The following SMUG1 variants were observed in gnomAD, a reference collection of about 807,000 sequenced individuals.
The protein encoded by SMUG1 is single-strand selective monofunctional uracil DNA glycosylase.
Under a neutral mutation model 23.9 loss-of-function variants are expected in SMUG1, and 13 were observed. That is an observed-to-expected ratio of 0.54 (90% confidence interval 0.35 to 0.86). The LOEUF (loss-of-function observed/expected upper bound fraction) is 0.86. Among genes scored for constraint, SMUG1 ranks in the 40% least tolerant of loss-of-function variants. The pLI is 0.01. For missense variants in SMUG1, 313 were observed against 339.5 expected, an observed-to-expected ratio of 0.92 and a Z score of 0.61; for synonymous variants, 133 against 139.8, an observed-to-expected ratio of 0.95 and a Z score of 0.34.
chr12:54,182,676 G>A (rs1369688960), intron 3 of SMUG1, 53 bp from the exon 4 acceptor site: 21 of 1,554,928 alleles, frequency 1.4e-5, no homozygotes, highest in Middle Eastern at 1.8e-4. Context: ...CCTGAGGCCC[G>A]GGCTCTGGAC....
Position 54,181,940 on chromosome 12 carries a change from G to A in SMUG1, c.*156C>T, listed in dbSNP as rs573765844. The A allele has an allele frequency of 7.5e-6, 11 of 1,476,166 alleles. No homozygotes were observed. The African/African-American group carries it at 1.5e-4, about 21-fold the overall frequency. 91.4% of individuals were successfully genotyped at this position (1,476,166 alleles called of 1,614,324 possible). On this transcript the variant is annotated 3_prime_UTR_variant, in exon 4 of 4. Coordinates refer to ENST00000682136, the MANE Select transcript of SMUG1 (RefSeq NM_001243787.2). ...AGTAGTGTCAAAACTGCCATGGCAG[G>A]TTGGAAGACAGTTCAACAGATCAAA...
In SMUG1 at chr12:54,182,561, G is replaced by C; in HGVS notation, c.348C>G (p.Thr116=). The C allele has an allele frequency of 1.9e-6, 3 of 1,614,050 alleles. No individual in the cohort carries two copies. The highest frequency in any genetic ancestry group is 2.5e-6 in the Non-Finnish European group (3 of 1,180,002). ...GTCGTTTAGGATGCTCTTGGGGAGGGGTCAGCACAGGCCCCACAATGCCCA... is the reference window on the plus strand; with the variant it reads ...GTCGTTTAGGATGCTCTTGGGGAGGCGTCAGCACAGGCCCCACAATGCCCA... ...DWLGIVGPVL[T]PPQEHPKRPV... Residue 116 remains threonine (T), a synonymous_variant, in exon 4 of 4, where the codon ACC becomes ACG. Coordinates refer to ENST00000682136, the MANE Select transcript of SMUG1 (RefSeq NM_001243787.2).
chr12:54,163,574 G>A (rs568479939), downstream of SMUG1, among the ~76,000 whole-genome samples: 2 of 152,260 alleles, frequency 1.3e-5, no homozygotes, highest in African/African-American at 4.8e-5. Context: ...GAGGAAGCTG[G>A]GGGCGCCAAG....
chr12:54,182,545 G>T lies in SMUG1; in HGVS notation c.364C>A (p.Pro122Thr), dbSNP rs1941347420. 1.9e-6 allele frequency: 3 copies of T among 1,614,034 alleles called. No individual in the cohort carries two copies. In the Admixed American group the frequency reaches 5.0e-5, roughly 27 times the overall value. ...GPVLTPPQEH[P>T]KRPVLGLECP... Reference sequence around the variant, plus strand: ...TCCAGTCCCAGCACTGGTCGTTTAGGATGCTCTTGGGGAGGGGTCAGCACA... The same window carrying T: ...TCCAGTCCCAGCACTGGTCGTTTAGTATGCTCTTGGGGAGGGGTCAGCACA... Residue 122 changes from proline to threonine, a missense_variant, in exon 4 of 4, where the codon CCT becomes ACT. Coordinates refer to ENST00000682136, the MANE Select transcript of SMUG1 (RefSeq NM_001243787.2).
downstream of SMUG1, among the ~76,000 whole-genome samples, chr12:54,180,108 A>G (rs548112495): frequency 6.6e-6 from 1 of 152,182 alleles, no homozygotes; most frequent in African/African-American, 2.4e-5. Context: ...CTGGGGATCA[A>G]GCTGGTATCA....
chr12:54,164,049 C>T (rs557927746), downstream of SMUG1, among the ~76,000 whole-genome samples: 11 of 151,820 alleles, frequency 7.2e-5, no homozygotes, highest in South Asian at 4.2e-4. Context: ...AAGCCTGACC[C>T]GGGAGGCAGA....
chr12:54,184,757 C>T (rs867715414), intron 2 of SMUG1, among the ~76,000 whole-genome samples: 2 of 152,178 alleles, frequency 1.3e-5, no homozygotes, highest in South Asian at 2.1e-4. Flanking sequence ...TCAGGAATAC[C>T]GAGTAGGATG....
chr12:54,179,562 C>A (rs1940838263), downstream of SMUG1, among the ~76,000 whole-genome samples: 1 of 152,100 alleles, frequency 6.6e-6, no homozygotes, highest in Non-Finnish European at 1.5e-5. Context: ...GAGTCTATGG[C>A]ATGTGGAAGT....
At chr12:54,171,467 A>G (rs1005410216) in intron 3 of SMUG1, among the ~76,000 whole-genome samples, 12 of 151,500 alleles carry the variant, frequency 7.9e-5, no homozygotes, top group Middle Eastern at 6.8e-3. Context: ...CAAGGTGGGC[A>G]GATCACGAGG....
intron 3 of SMUG1, 58 bp from the exon 4 acceptor site, chr12:54,182,681 C>G (rs1023356208): frequency 6.5e-6 from 10 of 1,544,322 alleles, no homozygotes; most frequent in Non-Finnish European, 7.8e-6. Context: ...GGCCCGGGCT[C>G]TGGACCAACT....
chr12:54,183,518 A>AT lies in SMUG1; in HGVS notation c.285+137dup, dbSNP rs760663153. The AT allele has an allele frequency of 9.8e-6, 8 of 818,452 alleles. No homozygotes were observed. The Admixed American group carries it at 1.0e-4, about 11-fold the overall frequency. 50.7% of individuals were successfully genotyped at this position (818,452 alleles called of 1,614,324 possible). On this transcript the variant is annotated intron_variant, in intron 3 of 3. Transcript: ENST00000682136. ...AGGGCCTCGGACCACAGGAGCCAGTATATGTGTTGAGACAGAATGGGGCGG... is the reference window on the plus strand; with the variant it reads ...AGGGCCTCGGACCACAGGAGCCAGTATTATGTGTTGAGACAGAATGGGGCGG...
chr12:54,177,647 CCACT>C (rs963916110), downstream of SMUG1, among the ~76,000 whole-genome samples: 44 of 151,630 alleles, frequency 2.9e-4, no homozygotes, highest in Middle Eastern at 0.014. Context: ...CCATTCTCTA[CCACT>C]CAGAGAAAAA....
At position 54,182,613 on chromosome 12, in the gene SMUG1, C is replaced by T; in HGVS notation, c.296G>A (p.Gly99Glu). The change falls in exon 4 of 4, where the codon GGG becomes GAG. Residue 99 changes from glycine (G) to glutamate (E), a missense_variant. By Grantham distance (98) the Gly-to-Glu change is moderately conservative. Coordinates refer to ENST00000682136, the MANE Select transcript of SMUG1 (RefSeq NM_001243787.2). ...CCAGTCCCGGACCATGCTTACTTCC[C>T]CAAAGGGCACCTGTGAGGAAGGAGA... ...FGMAQTGVPFGEVSMVRDWLG... is the reference protein window; with the variant it reads ...FGMAQTGVPFEEVSMVRDWLG... 6.2e-7 allele frequency: 1 copy of T among 1,607,760 alleles called. No individual in the cohort carries two copies. Among genetic ancestry groups the T allele is most frequent in the Non-Finnish European group, 8.5e-7 (1 of 1,176,420 alleles).
intron 3 of SMUG1, among the ~76,000 whole-genome samples, chr12:54,169,765 A>C (rs1940567236): frequency 6.6e-6 from 1 of 152,102 alleles, no homozygotes; most frequent in African/African-American, 2.4e-5. Flanking sequence ...CTGTGAGTAA[A>C]ATCAGGTACT....
chr12:54,171,414 G>T (rs545698588), intron 3 of SMUG1, among the ~76,000 whole-genome samples: 1 of 151,220 alleles, frequency 6.6e-6, no homozygotes, highest in South Asian at 2.1e-4. Context: ...ACTTGTGGTC[G>T]GGCGCGGTGG....
chr12:54,188,273 TAATAATAATAATAATAATAATA>T (rs200351967), intron 1 of SMUG1, among the ~76,000 whole-genome samples: 2,098 of 30,794 alleles, frequency 0.068, 28 homozygotes, highest in East Asian at 0.11. Context: ...AACGAAATAA[TAATAATAATAATAATAATAATA>T]AATAATAATA....
At chr12:54,183,365 G>A in intron 3 of SMUG1, 1 of 557,680 alleles carries the variant, frequency 1.8e-6, no homozygotes, top group Non-Finnish European at 3.2e-6. Context: ...AGGGACAGGG[G>A]AGATCCAGTA....
Position 54,188,781 on chromosome 12 carries a change from C to T in SMUG1, c.-104+170G>A, listed in dbSNP as rs1217315409. 9 of 152,320 alleles carry T rather than the reference C, an allele frequency of 5.9e-5. No homozygotes were observed. The South Asian group carries it at 1.2e-3, about 21-fold the overall frequency. The allele number at this position is 152,320 out of a possible 1,614,324, so 9.4% of individuals were successfully genotyped here. A position where few individuals can be genotyped will look rare whatever the true frequency, so the allele number is the denominator to read the frequency against. Reference sequence around the variant, plus strand: ...TGGAAAGCCTTGATCCTGCAGACCTCCCAGGCGGTTTCATAGGCTGGGCTC... The same window carrying T: ...TGGAAAGCCTTGATCCTGCAGACCTTCCAGGCGGTTTCATAGGCTGGGCTC... On this transcript the variant is annotated intron_variant, in intron 1 of 3. Transcript: ENST00000682136.
chr12:54,188,442 A>G (rs1169330989), intron 1 of SMUG1: 3 of 151,520 alleles, frequency 2.0e-5, no homozygotes, highest in Non-Finnish European at 4.4e-5. Flanking sequence ...CCTGACCAAC[A>G]TGGTGAAACC....
Sources: gnomAD v4.1 joint callset for allele counts (sites outside exome capture counted in the v4.1 genomes callset) on GRCh38, gnomAD v4.1.1 for gene constraint, MANE v1.5 for transcripts, NCBI Gene and HGNC (gene_info 2026-07-23, HGNC 2026-07-21) for gene names.